Variants in RASGEF1C observed in about 807,000 individuals in gnomAD.
The protein encoded by RASGEF1C is ras-GEF domain-containing family member 1C.
RASGEF1C carries 27 observed loss-of-function variants against 58.1 expected under a neutral mutation model. That is an observed-to-expected ratio of 0.46 (90% CI 0.34 to 0.64). The LOEUF is 0.64. RASGEF1C is among the 30% of genes least tolerant of loss of function. RASGEF1C has a pLI of 0.01. For synonymous variants in RASGEF1C, 243 were observed against 246.3 expected, an observed-to-expected ratio of 0.99 and a Z score of 0.13; for missense variants, 502 against 605.1, an observed-to-expected ratio of 0.83 and a Z score of 1.79.
intron 13 of RASGEF1C, 48 bp downstream of exon 13, chr5:180,102,023 T>C: frequency 1.1e-6 from 1 of 936,294 alleles, no homozygotes; most frequent in South Asian, 1.3e-5. Context: ...ACCTTAGAGC[T>C]TTCCATCCCA....
intron 1 of RASGEF1C, among the ~76,000 whole-genome samples, chr5:180,178,048 C>T (rs1478257567): frequency 1.3e-5 from 2 of 151,600 alleles, no homozygotes; most frequent in African/African-American, 4.9e-5. Flanking sequence ...CTCACCGCAA[C>T]TTTCGCCTCC....
chr5:180,182,628 G>C (rs975341476), intron 1 of RASGEF1C, among the ~76,000 whole-genome samples: 1 of 152,188 alleles, frequency 6.6e-6, no homozygotes, highest in African/African-American at 2.4e-5. Context: ...CAATCCCTTA[G>C]CTAGACACAG....
intron 1 of RASGEF1C, among the ~76,000 whole-genome samples, chr5:180,166,914 G>C (rs1767032008): frequency 1.3e-5 from 2 of 152,144 alleles, no homozygotes; most frequent in Non-Finnish European, 2.9e-5. Flanking sequence ...GCTTCTGAAA[G>C]GACGTCCACA....
chr5:180,202,296 C>G (rs966407448), intron 1 of RASGEF1C, among the ~76,000 whole-genome samples: 5 of 152,062 alleles, frequency 3.3e-5, no homozygotes, highest in African/African-American at 1.2e-4. Flanking sequence ...ATATTATTGG[C>G]ATCTCTGAAG....
chr5:180,137,571 G>T lies in RASGEF1C; in HGVS notation c.300+19C>A. On this transcript the variant is annotated intron_variant, in intron 3 of 13. Transcript: ENST00000361132. The surrounding 1 kb of genome is among the most constrained non-coding windows in gnomAD (Gnocchi z 4.1). ...GTGCTGGTACACTCTGAGACCCCCT[G>T]GCCTGCCCTCCGCCTCACCTTGTCC... The T allele has an allele frequency of 3.1e-6, 5 of 1,605,052 alleles. No individual in the cohort carries two copies. Among genetic ancestry groups the T allele is most frequent in the Non-Finnish European group, 4.2e-6 (5 of 1,177,216 alleles).
intron 8 of RASGEF1C, 127 bp downstream of exon 8, chr5:180,119,219 C>T: frequency 1.2e-6 from 1 of 817,244 alleles, no homozygotes; most frequent in Non-Finnish European, 2.0e-6. Context: ...CTTCAGAGAG[C>T]CCGGCCCACG....
At chr5:180,112,850 AAGGATGGACGGAGGGACCG>A (rs1270703987) in intron 11 of RASGEF1C, among the ~76,000 whole-genome samples, 61 of 149,794 alleles carry the variant, frequency 4.1e-4, no homozygotes, top group Middle Eastern at 3.5e-3. Context: ...TGGAGGGACC[AAGGATGGACGGAGGGACCG>A]AGGATGGACG....
At chr5:180,206,161 G>A (rs1756484644) in intron 1 of RASGEF1C, among the ~76,000 whole-genome samples, 1 of 152,208 alleles carries the variant, frequency 6.6e-6, no homozygotes, top group African/African-American at 2.4e-5. Flanking sequence ...GATTTTTAGT[G>A]TATGAGAAAG....
intron 1 of RASGEF1C, among the ~76,000 whole-genome samples, chr5:180,185,941 T>G (rs1382713036): frequency 6.6e-6 from 1 of 151,554 alleles, no homozygotes; most frequent in East Asian, 1.9e-4. Flanking sequence ...CTCCAAAAAA[T>G]GCAAAAATTA....
chr5:180,116,854 G>A (rs1296766574), intron 10 of RASGEF1C, among the ~76,000 whole-genome samples: 1 of 152,242 alleles, frequency 6.6e-6, no homozygotes, highest in Non-Finnish European at 1.5e-5. Flanking sequence ...TCAGCCTGGC[G>A]GTGTGCAGAC....
At chr5:180,175,515 C>A (rs991622964) in intron 1 of RASGEF1C, among the ~76,000 whole-genome samples, 2 of 152,206 alleles carry the variant, frequency 1.3e-5, no homozygotes, top group Non-Finnish European at 2.9e-5. Flanking sequence ...ACCCTCAGGC[C>A]ATGAACCTGC....
At chr5:180,164,470 T>C (rs978439750) in intron 1 of RASGEF1C, among the ~76,000 whole-genome samples, 4 of 152,222 alleles carry the variant, frequency 2.6e-5, no homozygotes, top group African/African-American at 9.6e-5. Flanking sequence ...GTTTTAGGTA[T>C]ATCCAACAGA....
In RASGEF1C at chr5:180,143,310, C is replaced by T. The variant is rs896727820; in HGVS notation, c.-6-5252G>A. Among the ~76,000 whole-genome samples the T allele has an allele frequency of 5.9e-5, 9 of 152,212 alleles. No homozygotes were observed. The highest frequency in any genetic ancestry group is 2.2e-4 in the African/African-American group (9 of 41,450). On this transcript the variant is annotated intron_variant, in intron 1 of 13. Transcript: ENST00000361132. The surrounding 1 kb of genome is among the most constrained non-coding windows in gnomAD (Gnocchi z 4.3). ...GCTGGCGCTGGCAAAGTTTCTGGGA[C>T]AGCATGGCCCCAGCCCAACCCCTCT...
chr5:180,132,447 C>T (rs779915440), intron 4 of RASGEF1C, among the ~76,000 whole-genome samples: 1 of 152,226 alleles, frequency 6.6e-6, no homozygotes, highest in Non-Finnish European at 1.5e-5. Context: ...GGCCTTTGTT[C>T]TCTGAAATTC....
At chr5:180,183,822 C>CAATA (rs56828482) in intron 1 of RASGEF1C, among the ~76,000 whole-genome samples, 12,646 of 149,476 alleles carry the variant, frequency 0.085, 737 homozygotes, top group East Asian at 0.19. Flanking sequence ...AACTCCATCT[C>CAATA]AATAAATAAA....
intron 1 of RASGEF1C, among the ~76,000 whole-genome samples, chr5:180,187,880 AC>A (rs1756069803): frequency 6.6e-6 from 1 of 152,222 alleles, no homozygotes; most frequent in Non-Finnish European, 1.5e-5. Context: ...GAAACGGGAA[AC>A]CTTGTGTGTT....
intron 3 of RASGEF1C, chr5:180,136,860 C>T (rs2380148): frequency 0.31 from 88,002 of 285,460 alleles, 14,182 homozygotes; most frequent in African/African-American, 0.37. Context: ...AGCAGGCATA[C>T]GCCATCGTGC....
chr5:180,184,785 T>C (rs78488757), intron 1 of RASGEF1C, among the ~76,000 whole-genome samples: 2 of 152,100 alleles, frequency 1.3e-5, no homozygotes, highest in Non-Finnish European at 1.5e-5. Flanking sequence ...AGATTTCAGA[T>C]CAAATAATAG....
intron 1 of RASGEF1C, among the ~76,000 whole-genome samples, chr5:180,193,288 C>T (rs1269102405): frequency 6.7e-6 from 1 of 149,984 alleles, no homozygotes; most frequent in Non-Finnish European, 1.5e-5. Flanking sequence ...ATCTCCTGAC[C>T]TCGTGATCCG....
Sources: gnomAD v4.1 joint callset for allele counts (sites outside exome capture counted in the v4.1 genomes callset) on GRCh38, gnomAD v4.1.1 for gene constraint, Gnocchi (gnomAD v3.1) non-coding constraint, MANE v1.5 for transcripts, NCBI Gene and HGNC (gene_info 2026-07-23, HGNC 2026-07-21) for gene names.